NTNG2: variants seen among roughly 807,000 people sequenced by gnomAD.
NTNG2 encodes netrin-G2.
In NTNG2, 15 loss-of-function variants were observed where a neutral mutation model predicts 47.6. The ratio of observed to expected loss-of-function variants is 0.32; its 90% CI spans 0.21 to 0.49. NTNG2 has a LOEUF of 0.49. NTNG2 is among the 20% of genes least tolerant of loss of function. The pLI is 0.99. For synonymous variants in NTNG2, 307 were observed against 324.6 expected, an observed-to-expected ratio of 0.95 and a Z score of 0.58; for missense variants, 578 against 764.6, an observed-to-expected ratio of 0.76 and a Z score of 2.88.
intron 2 of NTNG2, among the ~76,000 whole-genome samples, chr9:132,171,954 G>A (rs1202588700): frequency 6.6e-6 from 1 of 152,206 alleles, no homozygotes; most frequent in African/African-American, 2.4e-5. Context: ...GTTGTGATGG[G>A]AAAGTGAGAT....
Position 132,208,027 on chromosome 9 carries a change from C to G in NTNG2, c.857+9418C>G, listed in dbSNP as rs770199234. Among the ~76,000 whole-genome samples, 15 of 152,062 alleles carry G rather than the reference C, an allele frequency of 9.9e-5. No homozygotes were observed. Among genetic ancestry groups the G allele is most frequent in the Non-Finnish European group, 1.2e-4 (8 of 68,008 alleles). On this transcript the variant is annotated intron_variant, in intron 3 of 7. Coordinates refer to ENST00000393229, the MANE Select transcript of NTNG2 (RefSeq NM_032536.4). The surrounding 1 kb of genome is among the most constrained non-coding windows in gnomAD (Gnocchi z 4.0). ...GCTGAGGTGGGAGGATTGCTTGAGCCCAGGAAGTCAAGCCTGCAGTGAGTT... is the reference window on the plus strand; with the variant it reads ...GCTGAGGTGGGAGGATTGCTTGAGCGCAGGAAGTCAAGCCTGCAGTGAGTT...
chr9:132,228,778 G>C (rs563799050), intron 4 of NTNG2, among the ~76,000 whole-genome samples: 3 of 152,172 alleles, frequency 2.0e-5, no homozygotes, highest in Non-Finnish European at 4.4e-5. Context: ...GGCTGGTCTC[G>C]AGCTCCTGAG....
chr9:132,212,182 T>A (rs578113924), intron 3 of NTNG2, among the ~76,000 whole-genome samples: 1 of 152,138 alleles, frequency 6.6e-6, no homozygotes, highest in South Asian at 2.1e-4. Context: ...CTGGGCCTGG[T>A]CCTTCCCTCG....
chr9:132,229,930 CAG>C (rs930948636), intron 4 of NTNG2, among the ~76,000 whole-genome samples: 15 of 152,254 alleles, frequency 9.9e-5, no homozygotes, highest in Non-Finnish European at 1.5e-4. Flanking sequence ...CCTGGACACA[CAG>C]AGACACACCT....
intron 2 of NTNG2, among the ~76,000 whole-genome samples, chr9:132,168,647 C>T (rs1835671845): frequency 6.6e-6 from 1 of 151,966 alleles, no homozygotes; most frequent in African/African-American, 2.4e-5. Context: ...ACCGCAGGGC[C>T]AAGCAAGGGG....
chr9:132,182,769 G>A lies in NTNG2; in HGVS notation c.214-15197G>A, dbSNP rs1033867239. The stretch of plus-strand genomic sequence containing the variant: ...TTCTCGAAGGCCTCAAGCCCAGCGG[G>A]CAGCTATGACCCCACCAGGAGCGGA... On this transcript the variant is annotated intron_variant, in intron 2 of 7. Coordinates refer to ENST00000393229, the MANE Select transcript of NTNG2 (RefSeq NM_032536.4). This position sits in a 1 kb window ranked among gnomAD's most constrained non-coding sequence, Gnocchi z 4.2. 6.6e-6 allele frequency among the ~76,000 whole-genome samples: 1 copy of A among 152,222 alleles called. No homozygotes were observed. Among genetic ancestry groups the A allele is most frequent in the Non-Finnish European group, 1.5e-5 (1 of 68,038 alleles).
At chr9:132,194,044 T>C (rs966402438) in intron 2 of NTNG2, among the ~76,000 whole-genome samples, 1 of 152,098 alleles carries the variant, frequency 6.6e-6, no homozygotes, top group Non-Finnish European at 1.5e-5. Flanking sequence ...CTCAATCACC[T>C]CTTGAAAGAG....
In NTNG2 at chr9:132,197,953, C is replaced by G; in HGVS notation, c.214-13C>G. 6.2e-7 allele frequency: 1 copy of G among 1,601,730 alleles called. No homozygotes were observed. Among genetic ancestry groups the G allele is most frequent in the Non-Finnish European group, 8.5e-7 (1 of 1,173,140 alleles). On this transcript the variant is annotated splice_polypyrimidine_tract_variant and intron_variant, in intron 2 of 7. Coordinates refer to ENST00000393229, the MANE Select transcript of NTNG2 (RefSeq NM_032536.4). The surrounding 1 kb of genome is among the most constrained non-coding windows in gnomAD (Gnocchi z 4.3). ...CCAGCACCCACCCTTCCCTTCTCCT[C>G]TCCCCGCTGCAGGAGAATCCCTACC...
At chr9:132,200,598 G>A (rs530952333) in intron 3 of NTNG2, among the ~76,000 whole-genome samples, 8 of 152,344 alleles carry the variant, frequency 5.3e-5, no homozygotes, top group East Asian at 1.9e-4. Flanking sequence ...TGGGCAGGCC[G>A]CTGTGGTGCT....
chr9:132,219,242 A>T (rs1053632280), intron 3 of NTNG2, among the ~76,000 whole-genome samples: 7 of 151,378 alleles, frequency 4.6e-5, no homozygotes, highest in African/African-American at 1.7e-4. Context: ...AGAAAAAAAA[A>T]GTCATCTACC....
At chr9:132,174,935 G>C (rs958791312) in intron 2 of NTNG2, among the ~76,000 whole-genome samples, 7 of 149,074 alleles carry the variant, frequency 4.7e-5, no homozygotes, top group South Asian at 4.2e-4. Flanking sequence ...AAAAAAAAGT[G>C]TATTTTTATT....
In NTNG2 at chr9:132,230,552, C is replaced by T. The variant is rs150507312; in HGVS notation, c.1031-20C>T. On this transcript the variant is annotated intron_variant, in intron 4 of 7. Coordinates refer to ENST00000393229, the MANE Select transcript of NTNG2 (RefSeq NM_032536.4). ...CCCTTCCCCTGGGGCAGCCAGCTCA[C>T]GCCCGTCTCTCTCCCACAGGTGCCA... 1.6e-5 allele frequency: 26 copies of T among 1,597,886 alleles called. 1 individual carries two copies. The highest frequency in any genetic ancestry group is 5.7e-5 in the South Asian group (5 of 88,174).
chr9:132,212,291 C>T (rs543324115), intron 3 of NTNG2, among the ~76,000 whole-genome samples: 2 of 152,314 alleles, frequency 1.3e-5, no homozygotes, highest in Admixed American at 1.3e-4. Flanking sequence ...TCATACCCAC[C>T]GTGTCACCCC....
intron 2 of NTNG2, among the ~76,000 whole-genome samples, chr9:132,179,700 G>A (rs1189003835): frequency 6.6e-6 from 1 of 152,204 alleles, no homozygotes; most frequent in African/African-American, 2.4e-5. Flanking sequence ...TTGCCCTCTC[G>A]TAACAGGACG....
At chr9:132,169,729 C>T (rs994652667) in intron 2 of NTNG2, among the ~76,000 whole-genome samples, 1 of 152,198 alleles carries the variant, frequency 6.6e-6, no homozygotes, top group Non-Finnish European at 1.5e-5. Flanking sequence ...CGGCACAGCC[C>T]GGCCGTGCTG....
At position 132,199,732 on chromosome 9, in the gene NTNG2, C is replaced by T. The variant is rs561633669; in HGVS notation, c.857+1123C>T. 5.3e-5 allele frequency among the ~76,000 whole-genome samples: 8 copies of T among 152,294 alleles called. No homozygotes were observed. The East Asian group carries it at 5.8e-4, about 11-fold the overall frequency. ...ACTCTTCCTAGACAGGACAGTCCAA[C>T]GGCTTATGGATTAGAGGTCACCTAG... is the stretch of plus-strand genomic sequence containing the variant. On this transcript the variant is annotated intron_variant, in intron 3 of 7. Transcript: ENST00000393229.
chr9:132,223,179 C>T (rs1387796888), intron 3 of NTNG2, among the ~76,000 whole-genome samples: 3 of 152,162 alleles, frequency 2.0e-5, no homozygotes, highest in Non-Finnish European at 2.9e-5. Context: ...CAGGATAATT[C>T]GAGGACAGAG....
At chr9:132,223,461 A>G (rs1840499616) in intron 3 of NTNG2, among the ~76,000 whole-genome samples, 1 of 152,196 alleles carries the variant, frequency 6.6e-6, no homozygotes, top group Admixed American at 6.5e-5. Flanking sequence ...TGTGGTGTCC[A>G]GGAGGATTTG....
intron 2 of NTNG2, among the ~76,000 whole-genome samples, chr9:132,184,063 C>T (rs1005751108): frequency 6.6e-6 from 1 of 152,176 alleles, no homozygotes; most frequent in Non-Finnish European, 1.5e-5. Context: ...TGAAACTTAC[C>T]AGCCCAGCCT....
Sources: allele counts gnomAD v4.1 joint callset (sites outside exome capture counted in the v4.1 genomes callset), GRCh38; gene constraint gnomAD v4.1.1; non-coding constraint Gnocchi (gnomAD v3.1); transcripts MANE v1.5; gene names NCBI Gene and HGNC (gene_info 2026-07-23, HGNC 2026-07-21).